The following MAP3K19 variants were observed in gnomAD, a reference collection of about 807,000 sequenced individuals.
MAP3K19 encodes SPS1/STE20-related protein kinase YSK4.
Under a neutral mutation model 114.4 loss-of-function variants are expected in MAP3K19, and 91 were observed. That is an observed-to-expected ratio of 0.80 (90% CI 0.67 to 0.95). MAP3K19 has a LOEUF of 0.95. Ranked by LOEUF, MAP3K19 falls within the 40% of genes least tolerant of loss-of-function variation. The probability of loss-of-function intolerance (pLI) is 0.00; values close to 1 mark genes in which losing one functional copy is unlikely to be tolerated. For missense variants in MAP3K19, 1,471 were observed against 1,573.2 expected (o/e 0.94, Z 1.10); for synonymous variants, 518 against 530.5 (o/e 0.98, Z 0.32).
chr2:134,982,930 T>C (rs1309172967), intron 11 of MAP3K19, among the ~76,000 whole-genome samples: 1 of 152,194 alleles, frequency 6.6e-6, no homozygotes, highest in African/African-American at 2.4e-5. Flanking sequence ...AGGGTTTAGA[T>C]ATATAATGTT....
At chr2:135,020,103 T>C (rs1293727146) in intron 5 of MAP3K19, among the ~76,000 whole-genome samples, 2 of 152,176 alleles carry the variant, frequency 1.3e-5, no homozygotes, top group African/African-American at 2.4e-5. Flanking sequence ...CTGCAACCTC[T>C]GCCTCCCTGG....
chr2:134,980,758 G>T, intron 12 of MAP3K19, 63 bp downstream of exon 12: 2 of 1,458,378 alleles, frequency 1.4e-6, no homozygotes, highest in South Asian at 1.3e-5. Context: ...AATTGAAAGG[G>T]AAATGTCTGC....
rs376745257 is a variant in MAP3K19, at chr2:134,986,330, G to A, written c.2542C>T (p.Pro848Ser). 1.4e-5 allele frequency: 22 copies of A among 1,613,598 alleles called. No homozygotes were observed. The African/African-American group carries it at 2.1e-4, about 16-fold the overall frequency. The change falls in exon 10 of 13, where the codon CCA becomes TCA. Residue 848 changes from proline to serine, a missense_variant. Coordinates refer to ENST00000392915, the MANE Select transcript of MAP3K19 (RefSeq NM_025052.5). ...CAGCTGTCTTCTGAAGGGATAAATG[G>A]GATCTGGTGATGTAGCTCTTCAAGT... ...QELEELHHQI[P>S]FIPSEDSWAV...
chr2:134,968,464 A>T (rs1459540007), intron 12 of MAP3K19, among the ~76,000 whole-genome samples: 1 of 146,974 alleles, frequency 6.8e-6, no homozygotes, highest in East Asian at 2.1e-4. Context: ...CACCTCCCGG[A>T]TGGGGTGGCT....
At chr2:134,989,130 T>C (rs1324926007) in intron 9 of MAP3K19, among the ~76,000 whole-genome samples, 1 of 152,204 alleles carries the variant, frequency 6.6e-6, no homozygotes, top group Non-Finnish European at 1.5e-5. Flanking sequence ...AAGCTAGTTT[T>C]TCCTTTCTCC....
chr2:135,031,885 G>A (rs1225872803), intron 2 of MAP3K19, among the ~76,000 whole-genome samples: 1 of 152,132 alleles, frequency 6.6e-6, no homozygotes, highest in Admixed American at 6.5e-5. Flanking sequence ...ACTTTTATCT[G>A]TCTGCTGTAC....
intron 1 of MAP3K19, among the ~76,000 whole-genome samples, chr2:135,045,475 T>C (rs1197555100): frequency 6.6e-6 from 1 of 152,072 alleles, no homozygotes; most frequent in Non-Finnish European, 1.5e-5. Flanking sequence ...GGAAAAAAGG[T>C]TTTCCGAAAC....
chr2:134,982,040 A>G (rs1272382916), intron 11 of MAP3K19, among the ~76,000 whole-genome samples: 1 of 149,796 alleles, frequency 6.7e-6, no homozygotes, highest in Non-Finnish European at 1.5e-5. Flanking sequence ...CTAGGATCAC[A>G]GGTGTGTGCC....
chr2:135,003,805 T>C (rs1686620706), intron 6 of MAP3K19, among the ~76,000 whole-genome samples: 1 of 152,182 alleles, frequency 6.6e-6, no homozygotes, highest in African/African-American at 2.4e-5. Context: ...CCGCCCACCT[T>C]GGCCTCCCAA....
intron 12 of MAP3K19, among the ~76,000 whole-genome samples, chr2:134,974,229 G>A (rs537314539): frequency 6.6e-6 from 1 of 152,096 alleles, no homozygotes; most frequent in East Asian, 1.9e-4. Context: ...TCAAACTCCC[G>A]ACTTTAGGTG....
intron 8 of MAP3K19, among the ~76,000 whole-genome samples, chr2:134,995,846 T>C (rs1264305553): frequency 6.6e-6 from 1 of 152,108 alleles, no homozygotes; most frequent in Non-Finnish European, 1.5e-5. Flanking sequence ...AAGTAATAAA[T>C]CTTAATAGAT....
chr2:134,977,921 T>G (rs186870535), intron 12 of MAP3K19, among the ~76,000 whole-genome samples: 128 of 152,296 alleles, frequency 8.4e-4, no homozygotes, highest in African/African-American at 3.0e-3. Flanking sequence ...TTAACCAGAT[T>G]TAATGAGCTG....
intron 8 of MAP3K19, among the ~76,000 whole-genome samples, 154 bp downstream of exon 8, chr2:134,998,584 C>T (rs1482777098): frequency 6.6e-6 from 1 of 152,168 alleles, no homozygotes; most frequent in Non-Finnish European, 1.5e-5. Context: ...GTCTCGCACC[C>T]CCATGACCCC....
rs561274142 is a variant in MAP3K19, at chr2:135,005,726, T to C, written c.139-195A>G. Among the ~76,000 whole-genome samples, 9 of 152,328 alleles carry C rather than the reference T, an allele frequency of 5.9e-5. No individual in the cohort carries two copies. In the South Asian group the frequency reaches 1.7e-3, roughly 28 times the overall value. ...TAGGCTCAGACAGTCATGGTTGTGA[T>C]TAATTGCATAATCAAAAATGAGGAG... On this transcript the variant is annotated intron_variant, in intron 5 of 12. Transcript: ENST00000392915.
chr2:135,022,526 G>A (rs1419746168), intron 4 of MAP3K19, among the ~76,000 whole-genome samples: 1 of 152,102 alleles, frequency 6.6e-6, no homozygotes, highest in African/African-American at 2.4e-5. Flanking sequence ...CTTATTGCTG[G>A]CTCAATCGAT....
At chr2:135,033,382 ACTGC>A (rs1688438290) in intron 2 of MAP3K19, among the ~76,000 whole-genome samples, 1 of 85,882 alleles carries the variant, frequency 1.2e-5, no homozygotes, top group Non-Finnish European at 2.1e-5. Flanking sequence ...GACCCCCCCC[ACTGC>A]CCTCCCGGAC....
At chr2:135,027,988 G>A (rs926277710) in intron 3 of MAP3K19, among the ~76,000 whole-genome samples, 1 of 152,158 alleles carries the variant, frequency 6.6e-6, no homozygotes, top group Non-Finnish European at 1.5e-5. Context: ...GTTGAATCAT[G>A]TATAATTTTC....
chr2:134,981,880 C>CTTTTTTTTTT (rs567597251), intron 11 of MAP3K19, among the ~76,000 whole-genome samples: 95 of 124,488 alleles, frequency 7.6e-4, no homozygotes, highest in Non-Finnish European at 9.4e-4. Context: ...GATTTCTTTT[C>CTTTTTTTTTT]TTTTTTTTTT....
At chr2:135,015,882 C>G (rs764208336) in intron 5 of MAP3K19, among the ~76,000 whole-genome samples, 1 of 151,292 alleles carries the variant, frequency 6.6e-6, no homozygotes, top group Admixed American at 6.6e-5. Flanking sequence ...ACAGAGCGAG[C>G]CTCCATCTCA....
Sources: gnomAD v4.1 joint callset for allele counts (sites outside exome capture counted in the v4.1 genomes callset) on GRCh38, gnomAD v4.1.1 for gene constraint, MANE v1.5 for transcripts, NCBI Gene and HGNC (gene_info 2026-07-23, HGNC 2026-07-21) for gene names.